PCDH9: variants seen among roughly 807,000 people sequenced by gnomAD.
PCDH9 encodes the protein protocadherin-9.
PCDH9 carries 24 observed loss-of-function variants against 70.6 expected under a neutral mutation model. The ratio of observed to expected loss-of-function variants is 0.34; its 90% confidence interval spans 0.25 to 0.48. PCDH9 has a LOEUF of 0.48. Among genes scored for constraint, PCDH9 ranks in the 20% least tolerant of loss-of-function variants. The pLI is 0.99. For synonymous variants in PCDH9, 562 were observed against 558.5 expected (o/e 1.01, Z -0.09); for missense variants, 1,281 against 1,503.6 (o/e 0.85, Z 2.45).
At chr13:66,427,005 G>C (rs1593961242) in intron 4 of PCDH9, among the ~76,000 whole-genome samples, 1 of 151,440 alleles carries the variant, frequency 6.6e-6, no homozygotes, top group East Asian at 1.9e-4. Flanking sequence ...GCTGACATAT[G>C]AACACATAGC....
At chr13:66,427,891 T>C (rs941998144) in intron 4 of PCDH9, among the ~76,000 whole-genome samples, 1 of 151,706 alleles carries the variant, frequency 6.6e-6, no homozygotes, top group African/African-American at 2.4e-5. Context: ...AATAGAAAAT[T>C]AATGGAACTA....
intron 2 of PCDH9, among the ~76,000 whole-genome samples, chr13:67,064,202 T>C (rs182479589): frequency 2.6e-5 from 4 of 152,284 alleles, no homozygotes; most frequent in Admixed American, 6.5e-5. Context: ...TTGGTTTCCA[T>C]AGACCCTTGT....
chr13:66,691,443 A>AAAT, intron 3 of PCDH9, among the ~76,000 whole-genome samples: 1 of 152,218 alleles, frequency 6.6e-6, no homozygotes, highest in Non-Finnish European at 1.5e-5. Flanking sequence ...GTATGCTAAT[A>AAAT]AACAACATCT....
chr13:66,713,479 G>A (rs1448692368), intron 3 of PCDH9, among the ~76,000 whole-genome samples: 2 of 150,834 alleles, frequency 1.3e-5, no homozygotes. Flanking sequence ...CCCAACAAAA[G>A]AGATGATTAC....
At chr13:66,383,692 T>A (rs911781945) in intron 4 of PCDH9, among the ~76,000 whole-genome samples, 6 of 152,222 alleles carry the variant, frequency 3.9e-5, no homozygotes, top group Admixed American at 1.3e-4. Flanking sequence ...TCTAATTTTC[T>A]ATACTCTCAT....
At chr13:66,867,987 A>G (rs1224414459) in intron 3 of PCDH9, among the ~76,000 whole-genome samples, 1 of 152,022 alleles carries the variant, frequency 6.6e-6, no homozygotes, top group Non-Finnish European at 1.5e-5. Flanking sequence ...TCATATAAAT[A>G]TAATTGGTAG....
intron 3 of PCDH9, among the ~76,000 whole-genome samples, chr13:66,823,052 C>T (rs1163454856): frequency 6.6e-6 from 1 of 151,692 alleles, no homozygotes; most frequent in Non-Finnish European, 1.5e-5. Context: ...CATAATTATA[C>T]ATATATTTAG....
chr13:67,054,126 C>G (rs1381903010), intron 2 of PCDH9, among the ~76,000 whole-genome samples: 1 of 152,034 alleles, frequency 6.6e-6, no homozygotes, highest in East Asian at 1.9e-4. Flanking sequence ...AGGGACAAAC[C>G]ATTACATTAC....
intron 3 of PCDH9, among the ~76,000 whole-genome samples, chr13:66,790,894 G>A (rs1271827250): frequency 6.6e-6 from 1 of 152,004 alleles, no homozygotes; most frequent in Non-Finnish European, 1.5e-5. Flanking sequence ...TTTTATCTTA[G>A]CCAGCTAATG....
intron 4 of PCDH9, among the ~76,000 whole-genome samples, chr13:66,362,589 A>G (rs997280790): frequency 6.6e-6 from 1 of 152,110 alleles, no homozygotes; most frequent in Non-Finnish European, 1.5e-5. Context: ...TGATAAAATG[A>G]TTACTCTCTG....
chr13:67,169,889 CACTG>C lies in PCDH9; in HGVS notation c.3036+55512_3036+55515del, dbSNP rs2088230002. On this transcript the variant is annotated intron_variant, in intron 2 of 4. Transcript: ENST00000377865. ...CTCTATTTATTTTTCTGCAGTATCT[CACTG>C]ACTATTTCAAATTATAATTCTGGCA... 3.3e-5 allele frequency among the ~76,000 whole-genome samples: 5 copies of C among 152,170 alleles called. 1 individual carries two copies. The South Asian group carries it at 6.2e-4, about 19-fold the overall frequency.
chr13:66,777,800 A>G (rs2079923305), intron 3 of PCDH9, among the ~76,000 whole-genome samples: 1 of 152,192 alleles, frequency 6.6e-6, no homozygotes, highest in African/African-American at 2.4e-5. Context: ...CCAAAGGACT[A>G]TAAATCATGC....
intron 2 of PCDH9, among the ~76,000 whole-genome samples, chr13:67,057,587 G>A (rs1022189864): frequency 2.0e-5 from 3 of 151,988 alleles, no homozygotes; most frequent in Admixed American, 6.6e-5. Flanking sequence ...ACTAGTTGGC[G>A]AGTGGGAATG....
At chr13:67,088,000 C>A (rs1246700828) in intron 2 of PCDH9, among the ~76,000 whole-genome samples, 1 of 151,858 alleles carries the variant, frequency 6.6e-6, no homozygotes, top group African/African-American at 2.4e-5. Flanking sequence ...TGATATAGCA[C>A]CAAAATAGCC....
At chr13:66,418,338 C>G (rs1043153096) in intron 4 of PCDH9, among the ~76,000 whole-genome samples, 44 of 152,178 alleles carry the variant, frequency 2.9e-4, no homozygotes, top group Non-Finnish European at 6.0e-4. Context: ...ATTTCTGAAG[C>G]CTCTGTTCTG....
rs138948975 is a variant in PCDH9 at position 66,748,832 on chromosome 13, G to C, written c.3139-117421C>G. 6.6e-5 allele frequency among the ~76,000 whole-genome samples: 10 copies of C among 152,224 alleles called. No homozygotes were observed. In the East Asian group the frequency reaches 1.9e-3, roughly 30 times the overall value. ...GCTTCAACATCTCTAATGTGGTTTG[G>C]CTCTGTGTCCCCACCCAAATCTCAC... On this transcript the variant is annotated intron_variant, in intron 3 of 4. Coordinates refer to ENST00000377865, the MANE Select transcript of PCDH9 (RefSeq NM_203487.3).
At chr13:66,887,517 A>T (rs887840605) in intron 3 of PCDH9, among the ~76,000 whole-genome samples, 16 of 152,214 alleles carry the variant, frequency 1.1e-4, no homozygotes, top group Admixed American at 5.2e-4. Flanking sequence ...ACAAAGAATG[A>T]ACTAATTTGC....
At chr13:66,557,212 C>A (rs1469652161) in intron 4 of PCDH9, among the ~76,000 whole-genome samples, 3 of 152,130 alleles carry the variant, frequency 2.0e-5, no homozygotes, top group African/African-American at 7.2e-5. Context: ...TTTGTTTGTG[C>A]ATAAACCATT....
chr13:67,061,104 A>G (rs1361299117), intron 2 of PCDH9, among the ~76,000 whole-genome samples: 1 of 152,098 alleles, frequency 6.6e-6, no homozygotes, highest in Non-Finnish European at 1.5e-5. Context: ...TATGGAGAAA[A>G]GATAATATGT....
Sources: gnomAD v4.1 joint callset for allele counts (sites outside exome capture counted in the v4.1 genomes callset) on GRCh38, gnomAD v4.1.1 for gene constraint, MANE v1.5 for transcripts, NCBI Gene and HGNC (gene_info 2026-07-23, HGNC 2026-07-21) for gene names.